The following SERPINB8 variants were observed in gnomAD, a reference collection of about 807,000 sequenced individuals.
SERPINB8 encodes the protein serpin family B member 8.
A neutral mutation model predicts 35.3 loss-of-function variants in SERPINB8; 25 were observed. The ratio of observed to expected loss-of-function variants is 0.71; its 90% CI spans 0.52 to 0.99. SERPINB8 has a LOEUF of 0.99. Ranked by LOEUF, SERPINB8 falls within the 50% of genes least tolerant of loss-of-function variation. SERPINB8 has a pLI of 0.00. For synonymous variants in SERPINB8, 186 were observed against 160.8 expected, an observed-to-expected ratio of 1.16 and a Z score of -1.19; for missense variants, 484 against 446.5, an observed-to-expected ratio of 1.08 and a Z score of -0.76.
chr18:64,006,645 A>G (rs2050901365), downstream of SERPINB8, among the ~76,000 whole-genome samples: 2 of 152,194 alleles, frequency 1.3e-5, no homozygotes, highest in South Asian at 4.1e-4. Context: ...GAGACGATGG[A>G]AGTAGCGTGG....
chr18:63,980,848 C>T (rs1038125313), intron 3 of SERPINB8, among the ~76,000 whole-genome samples: 3 of 152,316 alleles, frequency 2.0e-5, no homozygotes, highest in Non-Finnish European at 4.4e-5. Flanking sequence ...TGGACAGAGG[C>T]TGGGAGCCAG....
intron 4 of SERPINB8, 37 bp downstream of exon 4, chr18:63,981,875 A>G: frequency 6.9e-7 from 1 of 1,448,586 alleles, no homozygotes; most frequent in Non-Finnish European, 9.7e-7. Flanking sequence ...TGGAATTACT[A>G]TACAACGAGG....
At chr18:63,972,212 C>A (rs1242112168) in intron 1 of SERPINB8, among the ~76,000 whole-genome samples, 2 of 152,274 alleles carry the variant, frequency 1.3e-5, no homozygotes, top group African/African-American at 4.8e-5. Flanking sequence ...TGTATCACCA[C>A]CTTCCTGAGT....
At chr18:63,971,103 A>C (rs575186054) in intron 1 of SERPINB8, among the ~76,000 whole-genome samples, 49 of 152,234 alleles carry the variant, frequency 3.2e-4, no homozygotes, top group African/African-American at 1.2e-3. Context: ...TCGCAGGGGC[A>C]GACTCGTCTC....
At chr18:63,982,815 T>G (rs961886134) in intron 4 of SERPINB8, among the ~76,000 whole-genome samples, 9 of 152,172 alleles carry the variant, frequency 5.9e-5, no homozygotes, top group Admixed American at 5.9e-4. Flanking sequence ...CCACCCACAT[T>G]TCCCCCAGAA....
chr18:64,001,002 G>T (rs1316680905), intron 1 of SERPINB8, among the ~76,000 whole-genome samples: 1 of 152,180 alleles, frequency 6.6e-6, no homozygotes, highest in Non-Finnish European at 1.5e-5. Context: ...CCTTTATCAT[G>T]ATGAAATAAC....
downstream of SERPINB8, among the ~76,000 whole-genome samples, chr18:63,990,068 C>A (rs1229167524): frequency 1.9e-5 from 2 of 106,650 alleles, no homozygotes; most frequent in African/African-American, 6.9e-5. Context: ...ATTTTGTTTT[C>A]GTGTTTTTTT....
chr18:64,016,053 T>C (rs944812857), intron 7 of SERPINB8, among the ~76,000 whole-genome samples: 2 of 152,166 alleles, frequency 1.3e-5, no homozygotes, highest in East Asian at 1.9e-4. Flanking sequence ...TAGACACTTT[T>C]CCCCCCTGGA....
At position 63,987,371 on chromosome 18, in the gene SERPINB8, T is replaced by G. The variant is rs1268752742; in HGVS notation, c.*93T>G. On this transcript the variant is annotated 3_prime_UTR_variant, in exon 7 of 7. Transcript: ENST00000397985. Reference sequence around the variant, plus strand: ...GACCTAGTTGGTGCAGTGGCTTGAATGCCAAAATAAAGCGTGTGCACTGGA... The same window carrying G: ...GACCTAGTTGGTGCAGTGGCTTGAAGGCCAAAATAAAGCGTGTGCACTGGA... 7.6e-7 allele frequency: 1 copy of G among 1,320,470 alleles called. No homozygotes were observed. Among genetic ancestry groups the G allele is most frequent in the East Asian group, 2.3e-5 (1 of 43,204 alleles). The allele number at this position is 1,320,470 out of a possible 1,614,324, so 81.8% of individuals were successfully genotyped here. A position where few individuals can be genotyped will look rare whatever the true frequency, so the allele number is the denominator to read the frequency against.
At chr18:64,003,235 G>A (rs2050884500) in intron 1 of SERPINB8, among the ~76,000 whole-genome samples, 1 of 152,076 alleles carries the variant, frequency 6.6e-6, no homozygotes, top group Admixed American at 6.5e-5. Flanking sequence ...GGGGCCACCG[G>A]GACTGATTTT....
chr18:63,970,860 C>T (rs2050463456), intron 1 of SERPINB8, among the ~76,000 whole-genome samples: 1 of 152,084 alleles, frequency 6.6e-6, no homozygotes, highest in Non-Finnish European at 1.5e-5. Flanking sequence ...TGTCTGCTTC[C>T]TCTCAAATGG....
chr18:63,989,301 G>A lies in SERPINB8; in HGVS notation c.*2023G>A, dbSNP rs2050806551. 1 of 152,104 alleles carries A rather than the reference G, an allele frequency of 6.6e-6. No homozygotes were observed. Among genetic ancestry groups the A allele is most frequent in the Admixed American group, 6.5e-5 (1 of 15,278 alleles). 9.4% of individuals were successfully genotyped at this position (152,104 alleles called of 1,614,324 possible). On this transcript the variant is annotated 3_prime_UTR_variant, in exon 7 of 7. Transcript: ENST00000397985. ...GATTTGTTGATGAACAAATTTACCT[G>A]TTGATGAACATTTACGTTGTTACCA...
intron 7 of SERPINB8, among the ~76,000 whole-genome samples, chr18:64,012,522 C>A (rs1455061038): frequency 1.3e-5 from 2 of 151,818 alleles, no homozygotes; most frequent in Non-Finnish European, 2.9e-5. Context: ...CTAAACTTCA[C>A]GAACACTATC....
Position 63,971,707 on chromosome 18 carries a change from C to T in SERPINB8, c.-11+1537C>T, listed in dbSNP as rs143437941. ...CCTCTTTTCATACCAAATACTGAGC[C>T]GGGTTATCTTTCTAAAGCCCCAATG... is the stretch of plus-strand genomic sequence containing the variant. On this transcript the variant is annotated intron_variant, in intron 1 of 6. Coordinates refer to ENST00000397985, the MANE Select transcript of SERPINB8 (RefSeq NM_002640.4). Among the ~76,000 whole-genome samples, 30 of 152,312 alleles carry T rather than the reference C, an allele frequency of 2.0e-4. No individual in the cohort carries two copies. The East Asian group carries it at 5.2e-3, about 26-fold the overall frequency.
intron 1 of SERPINB8, among the ~76,000 whole-genome samples, chr18:63,996,266 A>G (rs1380837259): frequency 6.6e-6 from 1 of 152,224 alleles, no homozygotes; most frequent in African/African-American, 2.4e-5. Flanking sequence ...CTGTTCCTCC[A>G]TACAGTAGCT....
intron 7 of SERPINB8, among the ~76,000 whole-genome samples, chr18:64,015,975 G>A (rs908223255): frequency 2.0e-5 from 3 of 152,240 alleles, no homozygotes; most frequent in Admixed American, 1.3e-4. Flanking sequence ...GCCTGCCACA[G>A]GGCTCAGTGG....
chr18:63,999,404 C>A (rs1342919507), intron 1 of SERPINB8, among the ~76,000 whole-genome samples: 1 of 152,132 alleles, frequency 6.6e-6, no homozygotes, highest in Non-Finnish European at 1.5e-5. Flanking sequence ...ACTGTAGGAA[C>A]GAAATGACTT....
chr18:63,982,312 T>C (rs2050685236), intron 4 of SERPINB8, among the ~76,000 whole-genome samples: 1 of 152,320 alleles, frequency 6.6e-6, no homozygotes, highest in Non-Finnish European at 1.5e-5. Flanking sequence ...TGTGGCCTTT[T>C]CTGAATTTGT....
At chr18:63,994,337 T>TC (rs1568282178), downstream of SERPINB8, among the ~76,000 whole-genome samples, 3 of 149,742 alleles carry the variant, frequency 2.0e-5, no homozygotes, top group Non-Finnish European at 4.5e-5. Context: ...CCCTCTCTCT[T>TC]TCTCTCTCTC....
Sources: gnomAD v4.1 joint callset for allele counts (sites outside exome capture counted in the v4.1 genomes callset) on GRCh38, gnomAD v4.1.1 for gene constraint, MANE v1.5 for transcripts, NCBI Gene and HGNC (gene_info 2026-07-23, HGNC 2026-07-21) for gene names.